Variants in SOBP observed in about 807,000 individuals in gnomAD.
SOBP encodes the protein sine oculis binding protein homolog.
A neutral mutation model predicts 53.6 loss-of-function variants in SOBP; 4 were observed. That is an observed-to-expected ratio of 0.07 (90% CI 0.04 to 0.17). SOBP has a LOEUF of 0.17. Ranked by LOEUF, SOBP falls within the 10% of genes least tolerant of loss-of-function variation. The probability of loss-of-function intolerance (pLI) is 1.00; values close to 1 mark genes in which losing one functional copy is unlikely to be tolerated. For synonymous variants in SOBP, 584 were observed against 522.6 expected (o/e 1.12, Z -1.60); for missense variants, 1,088 against 1,204.7 (o/e 0.90, Z 1.43).
At chr6:107,540,725 C>T (rs1475024786) in intron 4 of SOBP, among the ~76,000 whole-genome samples, 1 of 152,144 alleles carries the variant, frequency 6.6e-6, no homozygotes, top group Non-Finnish European at 1.5e-5. Context: ...TAGTGATAAT[C>T]GATGGCTGGG....
At chr6:107,588,813 T>A (rs952289438) in intron 5 of SOBP, among the ~76,000 whole-genome samples, 4 of 152,238 alleles carry the variant, frequency 2.6e-5, no homozygotes, top group African/African-American at 9.6e-5. Context: ...CACATTGTTG[T>A]GTTGGCAGTA....
chr6:107,527,836 T>A (rs545089748), intron 3 of SOBP, among the ~76,000 whole-genome samples: 1 of 152,360 alleles, frequency 6.6e-6, no homozygotes, highest in African/African-American at 2.4e-5. Flanking sequence ...TAAGTGGATC[T>A]GCCTGTTGCT....
intron 5 of SOBP, among the ~76,000 whole-genome samples, chr6:107,593,883 A>G (rs536801322): frequency 6.6e-6 from 1 of 152,340 alleles, no homozygotes; most frequent in South Asian, 2.1e-4. Context: ...TAATTTGGGT[A>G]AAAGAACTTC....
At chr6:107,555,999 A>G (rs1784598922) in intron 4 of SOBP, among the ~76,000 whole-genome samples, 1 of 152,250 alleles carries the variant, frequency 6.6e-6, no homozygotes, top group Non-Finnish European at 1.5e-5. Flanking sequence ...GGGTAAGAGG[A>G]TTTGGAAACA....
At chr6:107,588,891 A>G (rs1305556707) in intron 5 of SOBP, among the ~76,000 whole-genome samples, 1 of 152,224 alleles carries the variant, frequency 6.6e-6, no homozygotes, top group Non-Finnish European at 1.5e-5. Flanking sequence ...TTTGGTCAGT[A>G]TACTTTCCTG....
intron 4 of SOBP, among the ~76,000 whole-genome samples, chr6:107,559,681 T>C (rs79763952): frequency 0.015 from 2,314 of 152,348 alleles, 49 homozygotes; most frequent in African/African-American, 0.053. Context: ...TTGTCATGGT[T>C]GGAGTAATTA....
chr6:107,644,737 G>A (rs776348387), intron 6 of SOBP, among the ~76,000 whole-genome samples: 1 of 152,194 alleles, frequency 6.6e-6, no homozygotes, highest in Non-Finnish European at 1.5e-5. Context: ...CATGAGTTAA[G>A]TGTAAATGAG....
Position 107,632,762 on chromosome 6 carries a change from G to A in SOBP, c.670-752G>A, listed in dbSNP as rs191006169. ...TCTTTTGCCAAGAGTAGATTTGAAG[G>A]GGGGAAAAAGCCATAACAACTTTTG... On this transcript the variant is annotated intron_variant, in intron 5 of 6. Coordinates refer to ENST00000317357, the MANE Select transcript of SOBP (RefSeq NM_018013.4). Among the ~76,000 whole-genome samples the A allele has an allele frequency of 2.1e-4, 32 of 152,244 alleles. No individual in the cohort carries two copies. The East Asian group carries it at 5.0e-3, about 24-fold the overall frequency.
In SOBP at chr6:107,493,380, C is replaced by T. The variant is rs542613323; in HGVS notation, c.96+2668C>T. Among the ~76,000 whole-genome samples the T allele has an allele frequency of 3.3e-5, 5 of 152,154 alleles. No homozygotes were observed. In the East Asian group the frequency reaches 7.7e-4, roughly 24 times the overall value. The stretch of plus-strand genomic sequence containing the variant: ...TAAGCTGTAAAAACGGAAACCTGAG[C>T]CCCCACCTCGGATCACATATCAAGG... On this transcript the variant is annotated intron_variant, in intron 1 of 6. Transcript: ENST00000317357.
intron 1 of SOBP, among the ~76,000 whole-genome samples, chr6:107,501,088 A>C (rs936875503): frequency 2.6e-5 from 4 of 152,206 alleles, no homozygotes; most frequent in African/African-American, 9.6e-5. Flanking sequence ...GGAATGTTTT[A>C]GAGTTTATTT....
intron 4 of SOBP, among the ~76,000 whole-genome samples, chr6:107,545,619 G>A (rs1303978259): frequency 1.3e-5 from 2 of 152,192 alleles, no homozygotes; most frequent in Non-Finnish European, 2.9e-5. Context: ...CCTGGGTGAT[G>A]TGGACATGGA....
intron 4 of SOBP, among the ~76,000 whole-genome samples, chr6:107,549,207 CA>C (rs1357389506): frequency 6.6e-6 from 1 of 151,978 alleles, no homozygotes; most frequent in Admixed American, 6.5e-5. Flanking sequence ...GCGGAGCTTG[CA>C]GGGAGCCAAG....
At chr6:107,641,868 C>T (rs1771335425) in intron 6 of SOBP, among the ~76,000 whole-genome samples, 1 of 152,200 alleles carries the variant, frequency 6.6e-6, no homozygotes, top group African/African-American at 2.4e-5. Flanking sequence ...CCGAACGCCC[C>T]GCCTTTTCCA....
chr6:107,570,983 T>C (rs1785058002), intron 4 of SOBP, among the ~76,000 whole-genome samples: 1 of 152,240 alleles, frequency 6.6e-6, no homozygotes, highest in Non-Finnish European at 1.5e-5. Context: ...ATCTAGAACC[T>C]AGAACAACGC....
chr6:107,548,927 A>G (rs1784383856), intron 4 of SOBP, among the ~76,000 whole-genome samples: 1 of 152,088 alleles, frequency 6.6e-6, no homozygotes, highest in Non-Finnish European at 1.5e-5. Context: ...ACAGAGCAAG[A>G]CCTTATTTCT....
intron 4 of SOBP, 137 bp downstream of exon 4, chr6:107,533,747 CT>C (rs1369135684): frequency 1.8e-6 from 2 of 1,117,952 alleles, no homozygotes; most frequent in Non-Finnish European, 2.6e-6. Flanking sequence ...GTTGATTCCC[CT>C]TTTGTGTCAT....
chr6:107,617,889 A>G (rs1228112182), intron 5 of SOBP, among the ~76,000 whole-genome samples: 1 of 136,142 alleles, frequency 7.3e-6, no homozygotes, highest in African/African-American at 2.8e-5. Context: ...GTGCAGTGGC[A>G]CGATCTCAGC....
intron 3 of SOBP, among the ~76,000 whole-genome samples, chr6:107,511,223 A>G (rs1783160266): frequency 6.6e-6 from 1 of 152,212 alleles, no homozygotes; most frequent in Admixed American, 6.5e-5. Context: ...GCCTTTTAGC[A>G]TATTCCTACA....
At chr6:107,521,396 C>G (rs921723025) in intron 3 of SOBP, among the ~76,000 whole-genome samples, 9 of 152,104 alleles carry the variant, frequency 5.9e-5, no homozygotes, top group African/African-American at 1.9e-4. Context: ...TATGAACAGA[C>G]TAAATATAGG....
Sources: allele counts gnomAD v4.1 joint callset (sites outside exome capture counted in the v4.1 genomes callset), GRCh38; gene constraint gnomAD v4.1.1; transcripts MANE v1.5; gene names NCBI Gene and HGNC (gene_info 2026-07-23, HGNC 2026-07-21).